Variants in CELSR1 observed in about 807,000 individuals in gnomAD.
CELSR1 encodes cadherin EGF LAG seven-pass G-type receptor 1.
CELSR1 carries 110 observed loss-of-function variants against 249.1 expected under a neutral mutation model. The observed-to-expected ratio is 0.44, with a 90% CI of 0.38 to 0.52. The LOEUF is 0.52. CELSR1 is among the 20% of genes least tolerant of loss of function. The pLI, the probability that CELSR1 is intolerant of heterozygous loss-of-function variation, is 0.00. For synonymous variants in CELSR1, 2,113 were observed against 1,900.0 expected, an observed-to-expected ratio of 1.11 and a Z score of -2.92; for missense variants, 4,109 against 4,296.4, an observed-to-expected ratio of 0.96 and a Z score of 1.22.
intron 1 of CELSR1, among the ~76,000 whole-genome samples, chr22:46,532,820 C>G (rs566572345): frequency 6.6e-6 from 1 of 152,248 alleles, no homozygotes; most frequent in South Asian, 2.1e-4. Flanking sequence ...TTCTATTAGT[C>G]CCCCTCCCCA....
Position 46,380,883 on chromosome 22 carries a change from C to G in CELSR1, c.7161G>C (p.Pro2387=), listed in dbSNP as rs372278895. The change falls in exon 22 of 35, where the codon CCG becomes CCC. Residue 2387 remains proline (P), a synonymous_variant. Transcript: ENST00000674500. This position sits in a 1 kb window ranked among gnomAD's most constrained non-coding sequence, Gnocchi z 5.1. ...TLVYSEGAPL[P]RPLERPVLVE... Reference sequence around the variant, plus strand: ...CCAGGACGGGCCTCTCCAGGGGTCTCGGGAGCGGAGCCCCCTCGCTGTACA... The same window carrying G: ...CCAGGACGGGCCTCTCCAGGGGTCTGGGGAGCGGAGCCCCCTCGCTGTACA... 2 of 1,613,146 alleles carry G rather than the reference C, an allele frequency of 1.2e-6. No individual in the cohort carries two copies. The highest frequency in any genetic ancestry group is 2.7e-5 in the African/African-American group (2 of 74,912).
Position 46,535,365 on chromosome 22 carries a change from A to G in CELSR1, c.1806T>C (p.Tyr602=), listed in dbSNP as rs1485216936. 3.1e-6 allele frequency: 5 copies of G among 1,612,248 alleles called. No homozygotes were observed. In the Admixed American group the frequency reaches 8.3e-5, roughly 27 times the overall value. ...ADSGENARLH[Y]RLVDTASTFL... is the part of the protein sequence containing the mutation. ...AGGTGGAGGCCGTGTCCACCAGGCG[A>G]TAGTGCAGCCGGGCGTTCTCTCCAG... The change falls in exon 1 of 35, where the codon TAT becomes TAC. Residue 602 remains tyrosine, a synonymous_variant. Transcript: ENST00000674500.
chr22:46,520,665 T>C (rs889428557), intron 1 of CELSR1, among the ~76,000 whole-genome samples: 7 of 152,070 alleles, frequency 4.6e-5, no homozygotes, highest in Non-Finnish European at 7.4e-5. Context: ...TTTCACCATG[T>C]TGGCCAGGCT....
chr22:46,392,977 T>C (rs2079109518), intron 14 of CELSR1, among the ~76,000 whole-genome samples: 1 of 152,168 alleles, frequency 6.6e-6, no homozygotes, highest in Non-Finnish European at 1.5e-5. Flanking sequence ...GGACCGACCC[T>C]GACCCAGGAG....
At chr22:46,415,122 TG>T in intron 5 of CELSR1, among the ~76,000 whole-genome samples, 3 of 152,194 alleles carry the variant, frequency 2.0e-5, no homozygotes, top group East Asian at 3.9e-4. Flanking sequence ...GGGAGGAGGA[TG>T]GGGGGTGACT....
rs1279178729 is a variant in CELSR1 at position 46,390,792 on chromosome 22, A to G, written c.6251-306T>C. On this transcript the variant is annotated intron_variant, in intron 16 of 34. Transcript: ENST00000674500. This position sits in a 1 kb window ranked among gnomAD's most constrained non-coding sequence, Gnocchi z 6.3. ...GCAGCCACGATCCCATGCACCAGGA[A>G]TCCATTTCGGCTGGGCCTTTCCTTG... Among the ~76,000 whole-genome samples the G allele has an allele frequency of 6.6e-6, 1 of 152,202 alleles. No homozygotes were observed. The highest frequency in any genetic ancestry group is 1.9e-4 in the East Asian group (1 of 5,196).
At position 46,410,513 on chromosome 22, in the gene CELSR1, C is replaced by A. The variant is rs1232089751; in HGVS notation, c.4818G>T (p.Leu1606=). ...GPLLLGGVPN[L]PEDFPVHNRQ... ...GGTTGTGCACTGGGAAGTCTTCTGGCAGGTTGGGGACACCCCCCAGGAGTA... is the reference window on the plus strand; with the variant it reads ...GGTTGTGCACTGGGAAGTCTTCTGGAAGGTTGGGGACACCCCCCAGGAGTA... Residue 1606 remains leucine, a synonymous_variant, in exon 7 of 35, where the codon CTG becomes CTT. Transcript: ENST00000674500. This position sits in a 1 kb window ranked among gnomAD's most constrained non-coding sequence, Gnocchi z 6.8. 6.2e-7 allele frequency: 1 copy of A among 1,614,058 alleles called. No individual in the cohort carries two copies. Among genetic ancestry groups the A allele is most frequent in the Admixed American group, 1.7e-5 (1 of 60,032 alleles).
At chr22:46,510,492 C>A (rs2080562197) in intron 1 of CELSR1, among the ~76,000 whole-genome samples, 1 of 152,210 alleles carries the variant, frequency 6.6e-6, no homozygotes, top group African/African-American at 2.4e-5. Flanking sequence ...CCATGAGGTG[C>A]CCCCTTGGCT....
rs1184777414 is a variant in CELSR1, at chr22:46,398,365, A to T, written c.5526+159T>A. Among the ~76,000 whole-genome samples, 1 of 152,088 alleles carries T rather than the reference A, an allele frequency of 6.6e-6. No homozygotes were observed. Among genetic ancestry groups the T allele is most frequent in the East Asian group, 1.9e-4 (1 of 5,190 alleles). Reference sequence around the variant, plus strand: ...GAACCGCAGGGGAGAATGGGTCTGAAGAGGAAACAGGAGCTGTTAAAGTGG... The same window carrying T: ...GAACCGCAGGGGAGAATGGGTCTGATGAGGAAACAGGAGCTGTTAAAGTGG... On this transcript the variant is annotated intron_variant, in intron 11 of 34. Coordinates refer to ENST00000674500, the MANE Select transcript of CELSR1 (RefSeq NM_001378328.1). This position sits in a 1 kb window ranked among gnomAD's most constrained non-coding sequence, Gnocchi z 7.2.
At chr22:46,372,217 TACTCACCCATCCATGCATCC>T (rs1312527681) in intron 25 of CELSR1, among the ~76,000 whole-genome samples, 1 of 130,646 alleles carries the variant, frequency 7.7e-6, no homozygotes, top group Non-Finnish European at 1.6e-5. Flanking sequence ...ACCATCCATC[TACTCACCCATCCATGCATCC>T]ACTCACTCAC....
chr22:46,499,391 G>C (rs2080444677), intron 1 of CELSR1, among the ~76,000 whole-genome samples: 1 of 152,138 alleles, frequency 6.6e-6, no homozygotes, highest in Admixed American at 6.5e-5. Context: ...AGGCTACTTA[G>C]TACCCATCAG....
In CELSR1 at chr22:46,500,937, T is replaced by C. The variant is rs10211986; in HGVS notation, c.3544+32690A>G. Among the ~76,000 whole-genome samples the C allele has an allele frequency of 0.22, 33,236 of 152,170 alleles. 3,727 individuals are homozygous for C. The highest frequency in any genetic ancestry group is 0.27 in the Middle Eastern group (79 of 294). ...TGCCAAGTGCTGAGAACCCTGTTTC[T>C]AACACCCCTCCAGAGACCCAAAGAT... On this transcript the variant is annotated intron_variant, in intron 1 of 34. Transcript: ENST00000674500. This position sits in a 1 kb window ranked among gnomAD's most constrained non-coding sequence, Gnocchi z 4.9.
chr22:46,418,359 G>A (rs2079427116), intron 5 of CELSR1, among the ~76,000 whole-genome samples: 1 of 152,080 alleles, frequency 6.6e-6, no homozygotes, highest in South Asian at 2.1e-4. Flanking sequence ...GGTGGTGGGG[G>A]CCTGTAATCC....
rs1275660823 is a variant in CELSR1 at position 46,471,790 on chromosome 22, T to C, written c.3545-7445A>G. Among the ~76,000 whole-genome samples the C allele has an allele frequency of 6.6e-6, 1 of 151,822 alleles. No individual in the cohort carries two copies. Among genetic ancestry groups the C allele is most frequent in the African/African-American group, 2.4e-5 (1 of 41,320 alleles). On this transcript the variant is annotated intron_variant, in intron 1 of 34. Coordinates refer to ENST00000674500, the MANE Select transcript of CELSR1 (RefSeq NM_001378328.1). This position sits in a 1 kb window ranked among gnomAD's most constrained non-coding sequence, Gnocchi z 4.9. Reference sequence around the variant, plus strand: ...TTTCCCTCATTTCCACCCACTGTCCTCTCCTGTCCCAGGACCCCACACCAC... The same window carrying C: ...TTTCCCTCATTTCCACCCACTGTCCCCTCCTGTCCCAGGACCCCACACCAC...
intron 23 of CELSR1, 149 bp downstream of exon 23, chr22:46,378,442 G>T: frequency 1.2e-6 from 1 of 800,452 alleles, no homozygotes; most frequent in Admixed American, 2.3e-5. Flanking sequence ...ACTTAGAATG[G>T]AAGATTTAGT....
chr22:46,418,441 T>G (rs2079428112), intron 5 of CELSR1, among the ~76,000 whole-genome samples: 1 of 152,162 alleles, frequency 6.6e-6, no homozygotes, highest in Admixed American at 6.5e-5. Flanking sequence ...GCCGAGATTG[T>G]ACAACTACAC....
At chr22:46,366,321 G>C in intron 30 of CELSR1, 65 bp downstream of exon 30, 1 of 1,328,602 alleles carries the variant, frequency 7.5e-7, no homozygotes, top group East Asian at 2.6e-5. Flanking sequence ...ACAGGTTGGG[G>C]TGGCAGGGGC....
At position 46,417,227 on chromosome 22, in the gene CELSR1, G is replaced by A. The variant is rs891861127; in HGVS notation, c.4612-5468C>T. On this transcript the variant is annotated intron_variant, in intron 5 of 34. Transcript: ENST00000674500. The surrounding 1 kb of genome is among the most constrained non-coding windows in gnomAD (Gnocchi z 4.1). ...GCCAGTTCTGGCATGGAGACGACAA[G>A]CTCTCCCTCGGAGGCAGCCACTGCA... Among the ~76,000 whole-genome samples, 2 of 152,182 alleles carry A rather than the reference G, an allele frequency of 1.3e-5. No individual in the cohort carries two copies. The highest frequency in any genetic ancestry group is 4.8e-5 in the African/African-American group (2 of 41,436).
intron 1 of CELSR1, among the ~76,000 whole-genome samples, chr22:46,509,144 G>T (rs2080546438): frequency 6.6e-6 from 1 of 152,084 alleles, no homozygotes; most frequent in African/African-American, 2.4e-5. Context: ...CTGGGGGGCT[G>T]CGAGGACACT....
Sources: gnomAD v4.1 joint callset for allele counts (sites outside exome capture counted in the v4.1 genomes callset) on GRCh38, gnomAD v4.1.1 for gene constraint, Gnocchi (gnomAD v3.1) non-coding constraint, MANE v1.5 for transcripts, NCBI Gene and HGNC (gene_info 2026-07-23, HGNC 2026-07-21) for gene names.